Variants in MYRIP observed in about 807,000 individuals in gnomAD.
MYRIP encodes myosin VIIA and Rab interacting protein.
In MYRIP, 49 loss-of-function variants were observed where a neutral mutation model predicts 98.0. That is an observed-to-expected ratio of 0.50 (90% CI 0.40 to 0.63). MYRIP has a LOEUF of 0.63. Among genes scored for constraint, MYRIP ranks in the 30% least tolerant of loss-of-function variants. MYRIP has a pLI of 0.00. For synonymous variants in MYRIP, 404 were observed against 409.5 expected (o/e 0.99, Z 0.16); for missense variants, 1,004 against 1,058.2 (o/e 0.95, Z 0.71).
chr3:39,996,295 A>G (rs113913098), intron 2 of MYRIP, among the ~76,000 whole-genome samples: 15,265 of 152,058 alleles, frequency 0.1, 1,306 homozygotes, highest in African/African-American at 0.23. Flanking sequence ...CCCATCTCAC[A>G]TGCAGAGACA....
At chr3:40,205,628 T>C (rs1951771026) in intron 10 of MYRIP, among the ~76,000 whole-genome samples, 1 of 152,048 alleles carries the variant, frequency 6.6e-6, no homozygotes, top group African/African-American at 2.4e-5. Flanking sequence ...CCATAAGGAA[T>C]TTCATTCTTT....
chr3:40,102,758 G>A (rs948961308), intron 3 of MYRIP, among the ~76,000 whole-genome samples: 11 of 151,920 alleles, frequency 7.2e-5, no homozygotes, highest in South Asian at 2.1e-4. Context: ...ATGGTGCTAG[G>A]GGAGGCCTGA....
At chr3:40,237,952 T>C (rs972427412) in intron 12 of MYRIP, among the ~76,000 whole-genome samples, 18 of 152,252 alleles carry the variant, frequency 1.2e-4, no homozygotes, top group Admixed American at 7.8e-4. Context: ...GGAGTTTTCA[T>C]CTTGTAAGAT....
chr3:40,247,254 T>G (rs1401938258), intron 13 of MYRIP, among the ~76,000 whole-genome samples: 3 of 152,236 alleles, frequency 2.0e-5, no homozygotes, highest in African/African-American at 7.2e-5. Flanking sequence ...ATTTTCCATG[T>G]GTTTAAATGT....
intron 11 of MYRIP, among the ~76,000 whole-genome samples, chr3:40,230,193 C>A (rs1276895092): frequency 6.6e-6 from 1 of 152,136 alleles, no homozygotes; most frequent in African/African-American, 2.4e-5. Flanking sequence ...TTTGATTTCC[C>A]TTATGATTAA....
intron 5 of MYRIP, among the ~76,000 whole-genome samples, chr3:40,165,566 C>T (rs1950482869): frequency 6.6e-6 from 1 of 152,006 alleles, no homozygotes; most frequent in African/African-American, 2.4e-5. Context: ...CCCTTGCTGA[C>T]CTACATTCCT....
chr3:40,044,110 G>A lies in MYRIP; in HGVS notation c.171G>A (p.Gln57=). ...GSKCSILSKH[Q]QFVEHCCMRC... is the part of the protein sequence containing the mutation. Reference sequence around the variant, plus strand: ...AGTGCAGCATCCTCTCGAAGCACCAGCAGTTTGTGGAGCACTGCTGCATGC... The same window carrying A: ...AGTGCAGCATCCTCTCGAAGCACCAACAGTTTGTGGAGCACTGCTGCATGC... Residue 57 remains glutamine, a synonymous_variant, in exon 3 of 17, where the codon CAG becomes CAA. Coordinates refer to ENST00000302541, the MANE Select transcript of MYRIP (RefSeq NM_015460.4). 6.2e-7 allele frequency: 1 copy of A among 1,614,184 alleles called. No homozygotes were observed. The highest frequency in any genetic ancestry group is 8.5e-7 in the Non-Finnish European group (1 of 1,180,028).
At chr3:40,149,182 T>C (rs939139087) in intron 3 of MYRIP, among the ~76,000 whole-genome samples, 2 of 152,202 alleles carry the variant, frequency 1.3e-5, no homozygotes, top group African/African-American at 4.8e-5. Flanking sequence ...CTGCTTCTGG[T>C]AAAAACCTCA....
chr3:39,970,098 G>C (rs1945543611), intron 2 of MYRIP: 1 of 151,706 alleles, frequency 6.6e-6, no homozygotes. Flanking sequence ...TCTAGTTTGT[G>C]TGTTCGTTAC....
At chr3:39,945,050 G>A (rs1325382328) in intron 2 of MYRIP, among the ~76,000 whole-genome samples, 2 of 152,000 alleles carry the variant, frequency 1.3e-5, no homozygotes, top group Non-Finnish European at 2.9e-5. Context: ...GAAAGTCAGA[G>A]ATGACTTGGT....
intron 2 of MYRIP, among the ~76,000 whole-genome samples, chr3:39,958,968 C>T (rs1034901203): frequency 6.6e-5 from 10 of 152,066 alleles, no homozygotes; most frequent in East Asian, 5.8e-4. Flanking sequence ...AAATCAAAAC[C>T]GCAATGAGAT....
rs528751086 is a variant in MYRIP, at chr3:39,811,543, G to A, written c.-31+1627G>A. Among the ~76,000 whole-genome samples the A allele has an allele frequency of 1.1e-3, 162 of 151,998 alleles. 1 individual carries two copies. Among genetic ancestry groups the A allele is most frequent in the African/African-American group, 3.7e-3 (152 of 41,446 alleles). ...TACTGCTTTCCATCTTCCTGCTCAC[G>A]TTCCTTTGCCTGGCCATGGGCAGCT... On this transcript the variant is annotated intron_variant, in intron 1 of 16. Transcript: ENST00000302541.
intron 2 of MYRIP, among the ~76,000 whole-genome samples, chr3:40,035,069 G>A (rs1191042661): frequency 9.1e-6 from 1 of 110,230 alleles, no homozygotes; most frequent in Admixed American, 1.3e-4. Flanking sequence ...TCTGGGGACT[G>A]TTATGGGGTG....
chr3:39,848,279 T>C (rs1204553481), intron 1 of MYRIP, among the ~76,000 whole-genome samples: 5 of 152,246 alleles, frequency 3.3e-5, no homozygotes, highest in Non-Finnish European at 7.3e-5. Context: ...TCATATGTCA[T>C]TGAATGATTG....
chr3:39,905,031 G>C (rs953227233), intron 2 of MYRIP, among the ~76,000 whole-genome samples: 1 of 152,092 alleles, frequency 6.6e-6, no homozygotes. Context: ...CACACAACAG[G>C]ATTAACACTA....
At chr3:40,021,618 T>C (rs1003425690) in intron 2 of MYRIP, among the ~76,000 whole-genome samples, 7 of 152,200 alleles carry the variant, frequency 4.6e-5, no homozygotes, top group African/African-American at 1.7e-4. Context: ...CAAGGTCAAA[T>C]CTACATCAGT....
upstream of MYRIP, chr3:39,809,516 CGCGCCCCCGCCCCGCCTCCGCAG>C (rs933922744): frequency 3.4e-5 from 5 of 148,516 alleles, no homozygotes; most frequent in South Asian, 2.1e-4. Flanking sequence ...GCGCCCTGCA[CGCGCCCCCGCCCCGCCTCCGCAG>C]GCTCCCCCGC....
chr3:40,010,058 G>A (rs959038011), intron 2 of MYRIP, among the ~76,000 whole-genome samples: 1 of 152,206 alleles, frequency 6.6e-6, no homozygotes, highest in Non-Finnish European at 1.5e-5. Flanking sequence ...TGAATGAGAG[G>A]GTCCTAGGCA....
At chr3:40,132,183 A>T (rs1031690606) in intron 3 of MYRIP, among the ~76,000 whole-genome samples, 1 of 152,024 alleles carries the variant, frequency 6.6e-6, no homozygotes, top group Non-Finnish European at 1.5e-5. Flanking sequence ...GAGAGGGATT[A>T]AAAAAAAGAC....
Sources: gnomAD v4.1 joint callset for allele counts (sites outside exome capture counted in the v4.1 genomes callset) on GRCh38, gnomAD v4.1.1 for gene constraint, MANE v1.5 for transcripts, NCBI Gene and HGNC (gene_info 2026-07-23, HGNC 2026-07-21) for gene names.